SNRNP200: variants seen among roughly 807,000 people sequenced by gnomAD.
The protein encoded by SNRNP200 is U5 small nuclear ribonucleoprotein 200 kDa helicase.
Under a neutral mutation model 255.2 loss-of-function variants are expected in SNRNP200, and 66 were observed. The observed-to-expected ratio is 0.26, with a 90% CI of 0.21 to 0.32. The LOEUF (loss-of-function observed/expected upper bound fraction) is 0.32. SNRNP200 is among the 10% of genes least tolerant of loss of function. SNRNP200 has a pLI of 1.00. For missense variants in SNRNP200, 1,585 were observed against 2,749.8 expected (o/e 0.58, Z 9.47); for synonymous variants, 939 against 1,027.8 (o/e 0.91, Z 1.65).
Position 96,299,343 on chromosome 2 carries a change from T to C in SNRNP200, c.715A>G (p.Thr239Ala), listed in dbSNP as rs751047985. The part of the protein sequence containing the change: ...MEGDEAVVRC[T>A]LSANLVASGE... Reference sequence around the variant, plus strand: ...ACTGAACTTACATTAGCCGAGAGGGTGCAGCGCACGACAGCCTCGTCCCCT... The same window carrying C: ...ACTGAACTTACATTAGCCGAGAGGGCGCAGCGCACGACAGCCTCGTCCCCT... Residue 239 changes from threonine (T) to alanine (A), a missense_variant, in exon 6 of 45, where the codon ACC becomes GCC. Physicochemically the swap from Thr to Ala is moderately conservative, Grantham distance 58. This residue lies in a region of SNRNP200 where 383 missense variants were observed against 645.3 expected (regional missense o/e 0.59). Coordinates refer to ENST00000323853, the MANE Select transcript of SNRNP200 (RefSeq NM_014014.5). 1 of 1,613,950 alleles carries C rather than the reference T, an allele frequency of 6.2e-7. No individual in the cohort carries two copies. Among genetic ancestry groups the C allele is most frequent in the Non-Finnish European group, 8.5e-7 (1 of 1,179,982 alleles).
intron 23 of SNRNP200, 48 bp downstream of exon 23, chr2:96,288,989 A>C: frequency 1.6e-5 from 24 of 1,512,792 alleles, no homozygotes; most frequent in Non-Finnish European, 2.1e-5. Flanking sequence ...AGATTATGAA[A>C]ACCACTTAAT....
chr2:96,292,791 G>A (rs2063892007), intron 16 of SNRNP200, among the ~76,000 whole-genome samples, 181 bp downstream of exon 16: 1 of 152,172 alleles, frequency 6.6e-6, no homozygotes, highest in Non-Finnish European at 1.5e-5. Flanking sequence ...ATTACTCATA[G>A]TATTCCCTTA....
Position 96,278,301 on chromosome 2 carries a change from A to G in SNRNP200, c.5546T>C (p.Ile1849Thr). The G allele has an allele frequency of 6.2e-7, 1 of 1,614,112 alleles. No homozygotes were observed. Among genetic ancestry groups the G allele is most frequent in the Non-Finnish European group, 8.5e-7 (1 of 1,180,016 alleles). The change falls in exon 39 of 45, where the codon ATC becomes ACC. Residue 1849 changes from isoleucine (I) to threonine (T), a missense_variant. Physicochemically the swap from Ile to Thr is moderately conservative, Grantham distance 89. Coordinates refer to ENST00000323853, the MANE Select transcript of SNRNP200 (RefSeq NM_014014.5). The surrounding 1 kb of genome is among the most constrained non-coding windows in gnomAD (Gnocchi z 6.9). ...GTTCTCATACTCTGCTGCATTGGAG[A>G]TGATCTCGATAAGCCCTCGCACCTT... is the stretch of plus-strand genomic sequence containing the variant. ...KTKVRGLIEI[I>T]SNAAEYENIP...
At chr2:96,295,770 G>T in intron 13 of SNRNP200, 112 bp from the exon 14 acceptor site, 1 of 1,066,092 alleles carries the variant, frequency 9.4e-7, no homozygotes, top group Non-Finnish European at 1.4e-6. Flanking sequence ...AACCCATCAG[G>T]TGAATACAAG....
In SNRNP200 at chr2:96,277,158, T is replaced by A; in HGVS notation, c.6015A>T (p.Ala2005=). 6.2e-7 allele frequency: 1 copy of A among 1,614,174 alleles called. No individual in the cohort carries two copies. The highest frequency in any genetic ancestry group is 8.5e-7 in the Non-Finnish European group (1 of 1,179,974). ...AGCGGTTACAAAAGCGAGCCACATC[T>A]GCAATCTGGCTGTCAGTCAGCTGAA... ...ALLQLTDSQI[A]DVARFCNRYP... Residue 2005 remains alanine, a synonymous_variant, in exon 42 of 45, where the codon GCA becomes GCT. Transcript: ENST00000323853. This position sits in a 1 kb window ranked among gnomAD's most constrained non-coding sequence, Gnocchi z 4.4.
intron 14 of SNRNP200, among the ~76,000 whole-genome samples, chr2:96,294,411 C>T (rs1256706047): frequency 6.6e-6 from 1 of 151,924 alleles, no homozygotes; most frequent in Non-Finnish European, 1.5e-5. Flanking sequence ...GCACTCCAGC[C>T]TGGGCAACAA....
In SNRNP200 at chr2:96,291,277, G is replaced by C; in HGVS notation, c.2421+115C>G. ...GTGTCCACCACAACCCTCTGACCTGGGCTAGCTGGGCCAGAAGCAATAAAG... is the reference window on the plus strand; with the variant it reads ...GTGTCCACCACAACCCTCTGACCTGCGCTAGCTGGGCCAGAAGCAATAAAG... On this transcript the variant is annotated intron_variant, in intron 18 of 44. Coordinates refer to ENST00000323853, the MANE Select transcript of SNRNP200 (RefSeq NM_014014.5). The surrounding 1 kb of genome is among the most constrained non-coding windows in gnomAD (Gnocchi z 4.2). The C allele has an allele frequency of 1.3e-6, 1 of 779,220 alleles. No individual in the cohort carries two copies. Among genetic ancestry groups the C allele is most frequent in the South Asian group, 1.3e-5 (1 of 74,288 alleles). The allele number at this position is 779,220 out of a possible 1,614,324, so 48.3% of individuals were successfully genotyped here.
rs78244654 is a variant in SNRNP200, at chr2:96,298,929, C to T, written c.768G>A (p.Lys256=). ...CATCAATATCCCGAGGGTGCAAATCCTTCTTCTTGGAACTCATCAGTTCAC... is the reference window on the plus strand; with the variant it reads ...CATCAATATCCCGAGGGTGCAAATCTTTCTTCTTGGAACTCATCAGTTCAC... ...ASGELMSSKK[K]DLHPRDIDAF... The change falls in exon 7 of 45, where the codon AAG becomes AAA. Residue 256 remains lysine, a synonymous_variant. Coordinates refer to ENST00000323853, the MANE Select transcript of SNRNP200 (RefSeq NM_014014.5). The T allele has an allele frequency of 6.2e-7, 1 of 1,614,166 alleles. No homozygotes were observed. Among genetic ancestry groups the T allele is most frequent in the Non-Finnish European group, 8.5e-7 (1 of 1,180,028 alleles).
rs776589899 is a variant in SNRNP200, at chr2:96,275,338, C to T, written c.6186G>A (p.Glu2062=). Residue 2062 remains glutamate (E), a synonymous_variant, in exon 44 of 45, where the codon GAG becomes GAA. Transcript: ENST00000323853. ...IAPLFPQKRE[E]GWWVVIGDAK... is the part of the protein sequence containing the mutation. ...CATCTCCAATCACCACCCACCAGCC[C>T]TCTTCACGTTTCTGCAGTGATCCAA... 1 of 1,613,310 alleles carries T rather than the reference C, an allele frequency of 6.2e-7. No individual in the cohort carries two copies. Among genetic ancestry groups the T allele is most frequent in the Non-Finnish European group, 8.5e-7 (1 of 1,180,030 alleles).
At position 96,290,282 on chromosome 2, in the gene SNRNP200, G is replaced by A; in HGVS notation, c.2742+44C>T. On this transcript the variant is annotated intron_variant, in intron 20 of 44. Transcript: ENST00000323853. The surrounding 1 kb of genome is among the most constrained non-coding windows in gnomAD (Gnocchi z 4.5). Reference sequence around the variant, plus strand: ...ACCGACCCACTCCTGGTGCCTTGGTGTCTGCGGGGAAAGCATGAAGCACAA... The same window carrying A: ...ACCGACCCACTCCTGGTGCCTTGGTATCTGCGGGGAAAGCATGAAGCACAA... The A allele has an allele frequency of 6.2e-7, 1 of 1,604,194 alleles. No individual in the cohort carries two copies. The highest frequency in any genetic ancestry group is 8.5e-7 in the Non-Finnish European group (1 of 1,172,316).
Position 96,286,188 on chromosome 2 carries a change from G to C in SNRNP200, c.4003+123C>G. 1 of 960,072 alleles carries C rather than the reference G, an allele frequency of 1.0e-6. No individual in the cohort carries two copies. 59.5% of individuals were successfully genotyped at this position (960,072 alleles called of 1,614,324 possible). A position where few individuals can be genotyped will look rare whatever the true frequency, so the allele number is the denominator to read the frequency against. On this transcript the variant is annotated intron_variant, in intron 29 of 44. Coordinates refer to ENST00000323853, the MANE Select transcript of SNRNP200 (RefSeq NM_014014.5). This position sits in a 1 kb window ranked among gnomAD's most constrained non-coding sequence, Gnocchi z 4.8. The stretch of plus-strand genomic sequence containing the variant: ...GAAAAAGTCCTGGTGGGTCCCAGCG[G>C]TCACACTGAGGAGCTCCCAGACCTC...
At chr2:96,276,755 C>A (rs530228419) in intron 43 of SNRNP200, 149 bp downstream of exon 43, 78 of 853,658 alleles carry the variant, frequency 9.1e-5, no homozygotes, top group South Asian at 1.6e-4. Context: ...AGAAAAAAAA[C>A]CCCATAGCCT....
In SNRNP200 at chr2:96,293,041, A is replaced by C; in HGVS notation, c.2091T>G (p.Ala697=). The change falls in exon 16 of 45, where the codon GCT becomes GCG. Residue 697 remains alanine, a synonymous_variant. Coordinates refer to ENST00000323853, the MANE Select transcript of SNRNP200 (RefSeq NM_014014.5). ...CATTCATGATCTGGAAACGCTTGATAGCTTTTTTCTCTGTGATACCCACAT... is the reference window on the plus strand; with the variant it reads ...CATTCATGATCTGGAAACGCTTGATCGCTTTTTTCTCTGTGATACCCACAT... ...QTYVGITEKK[A]IKRFQIMNEI... is the part of the protein sequence containing the mutation. 1 of 1,614,170 alleles carries C rather than the reference A, an allele frequency of 6.2e-7. No individual in the cohort carries two copies. Among genetic ancestry groups the C allele is most frequent in the Non-Finnish European group, 8.5e-7 (1 of 1,179,976 alleles).
rs944498158 is a variant in SNRNP200 at position 96,287,947 on chromosome 2, G to A, written c.3281C>T (p.Ala1094Val). Residue 1094 changes from alanine (A) to valine (V), a missense_variant, in exon 25 of 45, where the codon GCG becomes GTG. Physicochemically the swap from Ala to Val is moderately conservative, Grantham distance 64. Around this residue, in one of 9 missense-constraint regions of SNRNP200, gnomAD observed 719 missense variants for 1,091.1 expected, o/e 0.66. Coordinates refer to ENST00000323853, the MANE Select transcript of SNRNP200 (RefSeq NM_014014.5). The surrounding 1 kb of genome is among the most constrained non-coding windows in gnomAD (Gnocchi z 5.7). ...TCGGTTCAGGACAATTTCAAATATCGCTCGCATCAACCGGCCAGCCGACTA... is the reference window on the plus strand; with the variant it reads ...TCGGTTCAGGACAATTTCAAATATCACTCGCATCAACCGGCCAGCCGACTA... ...VTQSAGRLMR[A>V]IFEIVLNRGW... 7 of 1,614,014 alleles carry A rather than the reference G, an allele frequency of 4.3e-6. No homozygotes were observed. The highest frequency in any genetic ancestry group is 2.7e-5 in the African/African-American group (2 of 74,908).
At position 96,283,025 on chromosome 2, in the gene SNRNP200, C is replaced by A; in HGVS notation, c.4915+176G>T. 1 of 769,382 alleles carries A rather than the reference C, an allele frequency of 1.3e-6. No individual in the cohort carries two copies. Among genetic ancestry groups the A allele is most frequent in the Non-Finnish European group, 2.2e-6 (1 of 456,786 alleles). 47.7% of individuals were successfully genotyped at this position (769,382 alleles called of 1,614,324 possible). On this transcript the variant is annotated intron_variant, in intron 34 of 44. Coordinates refer to ENST00000323853, the MANE Select transcript of SNRNP200 (RefSeq NM_014014.5). This position sits in a 1 kb window ranked among gnomAD's most constrained non-coding sequence, Gnocchi z 4.7. ...TGGCAAGTAGGGATAGTGTTTGTCT[C>A]ACCTGCCTCACGAGGTTCTTGGGAG... is the stretch of plus-strand genomic sequence containing the variant.
In SNRNP200 at chr2:96,287,608, A is replaced by G. The variant is rs1172436839; in HGVS notation, c.3366-51T>C. On this transcript the variant is annotated intron_variant, in intron 25 of 44. Coordinates refer to ENST00000323853, the MANE Select transcript of SNRNP200 (RefSeq NM_014014.5). The surrounding 1 kb of genome is among the most constrained non-coding windows in gnomAD (Gnocchi z 5.7). ...TGGTCCCTTCTGCAGGGATGTGACA[A>G]ACCACCCACTTCATGGCTTCCAATA... 1 of 1,339,262 alleles carries G rather than the reference A, an allele frequency of 7.5e-7. No individual in the cohort carries two copies. Among genetic ancestry groups the G allele is most frequent in the Non-Finnish European group, 1.1e-6 (1 of 929,444 alleles). 83.0% of individuals were successfully genotyped at this position (1,339,262 alleles called of 1,614,324 possible). A position where few individuals can be genotyped will look rare whatever the true frequency, so the allele number is the denominator to read the frequency against.
intron 4 of SNRNP200, 55 bp downstream of exon 4, chr2:96,301,468 GT>G (rs1186271209): frequency 6.5e-7 from 1 of 1,544,448 alleles, no homozygotes; most frequent in African/African-American, 1.4e-5. Flanking sequence ...GAAGATGCAT[GT>G]TTAGGGGTCA....
chr2:96,291,728 G>C lies in SNRNP200; in HGVS notation c.2310+23C>G. 1.2e-6 allele frequency: 2 copies of C among 1,613,626 alleles called. No individual in the cohort carries two copies. The highest frequency in any genetic ancestry group is 1.7e-6 in the Non-Finnish European group (2 of 1,179,916). On this transcript the variant is annotated intron_variant, in intron 17 of 44. Transcript: ENST00000323853. This position sits in a 1 kb window ranked among gnomAD's most constrained non-coding sequence, Gnocchi z 4.2. ...ACACAGCTGCCAGGTAGGAATGAGA[G>C]AACCCAGCTGGCCCCTCCTCACCTT...
chr2:96,284,751 T>C (rs566453310), intron 30 of SNRNP200, 166 bp from the exon 31 acceptor site: 5 of 593,430 alleles, frequency 8.4e-6, no homozygotes, highest in Non-Finnish European at 1.5e-5. Context: ...AGCTTTTTCT[T>C]TTTTTTTTTT....
Sources: gnomAD v4.1 joint callset for allele counts (sites outside exome capture counted in the v4.1 genomes callset) on GRCh38, gnomAD v4.1.1 for gene constraint, gnomAD v4.1.1 regional missense constraint, Gnocchi (gnomAD v3.1) non-coding constraint, MANE v1.5 for transcripts, NCBI Gene and HGNC (gene_info 2026-07-23, HGNC 2026-07-21) for gene names.